Variants in EFCAB7 observed in about 807,000 individuals in gnomAD.
EFCAB7 encodes the protein EF-hand calcium-binding domain-containing protein 7.
In EFCAB7, 66 loss-of-function variants were observed where a neutral mutation model predicts 77.1. The ratio of observed to expected loss-of-function variants is 0.86; its 90% confidence interval spans 0.70 to 1.05. The LOEUF (loss-of-function observed/expected upper bound fraction) is 1.05, where lower values mean the gene tolerates loss of function less well. Among genes scored for constraint, EFCAB7 ranks in the 50% least tolerant of loss-of-function variants. The probability of loss-of-function intolerance (pLI) is 0.00; values close to 1 mark genes in which losing one functional copy is unlikely to be tolerated. For missense variants in EFCAB7, 638 were observed against 730.5 expected (o/e 0.87, Z 1.46); for synonymous variants, 225 against 243.3 (o/e 0.92, Z 0.70).
chr1:63,554,513 T>C (rs1036541806), intron 8 of EFCAB7, among the ~76,000 whole-genome samples: 4 of 152,298 alleles, frequency 2.6e-5, no homozygotes, highest in African/African-American at 9.6e-5. Context: ...CTAATTTTTG[T>C]ATTTTTAGTA....
intron 12 of EFCAB7, chr1:63,568,728 C>T (rs533610667): frequency 5.7e-5 from 24 of 422,628 alleles, no homozygotes; most frequent in Non-Finnish European, 8.7e-5. Context: ...AATTTTTTCT[C>T]TTAAAATATT....
chr1:63,548,610 A>G (rs1050109927), intron 7 of EFCAB7: 1 of 151,968 alleles, frequency 6.6e-6, no homozygotes, highest in Non-Finnish European at 1.5e-5. Flanking sequence ...TTCCACTTGT[A>G]TGGTACCTGA....
the EFCAB7 span, among the ~76,000 whole-genome samples, chr1:63,581,111 A>G: frequency 6.6e-6 from 1 of 152,164 alleles, no homozygotes; most frequent in Non-Finnish European, 1.5e-5. Flanking sequence ...TAAGATATCA[A>G]ATAAGAACAA....
chr1:63,530,432 T>A (rs1306559493), intron 2 of EFCAB7, among the ~76,000 whole-genome samples: 2 of 152,242 alleles, frequency 1.3e-5, no homozygotes, highest in Admixed American at 1.3e-4. Context: ...TTATCATTGG[T>A]TCATTTTAGA....
intron 6 of EFCAB7, among the ~76,000 whole-genome samples, chr1:63,545,659 T>C (rs1454192354): frequency 6.6e-6 from 1 of 152,050 alleles, no homozygotes; most frequent in African/African-American, 2.4e-5. Context: ...AGAGACAGGG[T>C]TTCTCCATGT....
At chr1:63,536,160 T>G (rs1646760489) in intron 6 of EFCAB7, among the ~76,000 whole-genome samples, 1 of 152,218 alleles carries the variant, frequency 6.6e-6, no homozygotes, top group African/African-American at 2.4e-5. Flanking sequence ...TACTGTCAAC[T>G]TTTTAATACT....
At chr1:63,536,224 A>C (rs1201905531) in intron 6 of EFCAB7, among the ~76,000 whole-genome samples, 1 of 152,190 alleles carries the variant, frequency 6.6e-6, no homozygotes, top group African/African-American at 2.4e-5. Context: ...AGCTCTGTAT[A>C]TCTTACCTTT....
intron 6 of EFCAB7, among the ~76,000 whole-genome samples, chr1:63,541,377 G>A (rs953057028): frequency 3.9e-5 from 6 of 151,942 alleles, no homozygotes; most frequent in African/African-American, 1.2e-4. Context: ...AAGCACTATG[G>A]GAACACATGT....
Position 63,528,173 on chromosome 1 carries a change from TA to T in EFCAB7, c.187+2416del, listed in dbSNP as rs368537525. Among the ~76,000 whole-genome samples, 1,085 of 152,264 alleles carry T rather than the reference TA, an allele frequency of 7.1e-3. 15 individuals are homozygous for T. In the Middle Eastern group the frequency reaches 0.082, roughly 11 times the overall value. ...CAATAGCCCAAATTTGGAAGCAACGTAAGAGTTCATCAATAGATGAATGGAT... is the reference window on the plus strand; with the variant it reads ...CAATAGCCCAAATTTGGAAGCAACGTAGAGTTCATCAATAGATGAATGGAT... On this transcript the variant is annotated intron_variant, in intron 2 of 13. Coordinates refer to ENST00000371088, the MANE Select transcript of EFCAB7 (RefSeq NM_032437.4).
chr1:63,533,446 TCC>T lies in EFCAB7; in HGVS notation c.487-7_487-6del. The T allele has an allele frequency of 6.3e-7, 1 of 1,595,302 alleles. No individual in the cohort carries two copies. The highest frequency in any genetic ancestry group is 8.5e-7 in the Non-Finnish European group (1 of 1,174,696). On this transcript the variant is annotated splice_region_variant and splice_polypyrimidine_tract_variant and intron_variant, in intron 4 of 13. Coordinates refer to ENST00000371088, the MANE Select transcript of EFCAB7 (RefSeq NM_032437.4). ...TGTTTTACCCACTGGACTTTTTTTT[TCC>T]TGTAGTTTTGTAAATTATATATGAC...
chr1:63,576,937 C>G (rs1280107661), downstream of EFCAB7, among the ~76,000 whole-genome samples: 4 of 151,864 alleles, frequency 2.6e-5, no homozygotes, highest in African/African-American at 9.7e-5. Flanking sequence ...ATCACAAAAT[C>G]AGGAGTTCGA....
chr1:63,584,622 T>G, the EFCAB7 span, among the ~76,000 whole-genome samples: 3 of 152,350 alleles, frequency 2.0e-5, no homozygotes, highest in South Asian at 2.1e-4. Flanking sequence ...CTTCTGCTAC[T>G]CTTGAGACAG....
At chr1:63,579,427 T>C in the EFCAB7 span, among the ~76,000 whole-genome samples, 1 of 152,236 alleles carries the variant, frequency 6.6e-6, no homozygotes, top group Non-Finnish European at 1.5e-5. Flanking sequence ...TATTTTATTA[T>C]ATGATTGTAT....
At position 63,567,829 on chromosome 1, in the gene EFCAB7, C is replaced by T. The variant is rs114926663; in HGVS notation, c.1498-481C>T. ...AGGTAGATATTAGAAAAATTTCATT[C>T]GGAATGCAGAAAATATTTTTAAGTC... On this transcript the variant is annotated intron_variant, in intron 11 of 13. Coordinates refer to ENST00000371088, the MANE Select transcript of EFCAB7 (RefSeq NM_032437.4). Among the ~76,000 whole-genome samples, 65 of 152,186 alleles carry T rather than the reference C, an allele frequency of 4.3e-4. 1 individual carries two copies. In the East Asian group the frequency reaches 7.9e-3, roughly 19 times the overall value.
the EFCAB7 span, among the ~76,000 whole-genome samples, chr1:63,581,914 A>G: frequency 6.6e-6 from 1 of 152,390 alleles, no homozygotes; most frequent in Admixed American, 6.5e-5. Flanking sequence ...AACACAGACT[A>G]CACATGGTGC....
At chr1:63,545,759 T>C (rs1646890125) in intron 6 of EFCAB7, among the ~76,000 whole-genome samples, 157 bp from the exon 7 acceptor site, 1 of 152,252 alleles carries the variant, frequency 6.6e-6, no homozygotes, top group Non-Finnish European at 1.5e-5. Context: ...GATTTTGTTA[T>C]GTCTGTTTTC....
At chr1:63,549,305 TTGA>T in intron 7 of EFCAB7, 1 of 468,576 alleles carries the variant, frequency 2.1e-6, no homozygotes, top group African/African-American at 2.0e-5. Flanking sequence ...TCTTACCTAT[TTGA>T]TGAAGATGTC....
rs1315195583 is a variant in EFCAB7, at chr1:63,531,951, C to G, written c.319C>G (p.Leu107Val). The G allele has an allele frequency of 6.2e-7, 1 of 1,612,656 alleles. No individual in the cohort carries two copies. The highest frequency in any genetic ancestry group is 1.3e-5 in the African/African-American group (1 of 74,848). Residue 107 changes from leucine (L) to valine (V), a missense_variant, in exon 3 of 14, where the codon CTA becomes GTA. Coordinates refer to ENST00000371088, the MANE Select transcript of EFCAB7 (RefSeq NM_032437.4). ...GGAAAAACCTACTTCAAAAGCAGAA[C>G]TACTAAAATCATTTAAGCAATTAGA... ...RKEKPTSKAE[L>V]LKSFKQLDVN...
chr1:63,540,063 CA>C (rs1235859447), intron 6 of EFCAB7, among the ~76,000 whole-genome samples: 1 of 152,000 alleles, frequency 6.6e-6, no homozygotes, highest in Non-Finnish European at 1.5e-5. Flanking sequence ...CATTACTCAT[CA>C]TTAATAGTTG....
Sources: allele counts gnomAD v4.1 joint callset (sites outside exome capture counted in the v4.1 genomes callset), GRCh38; gene constraint gnomAD v4.1.1; transcripts MANE v1.5; gene names NCBI Gene and HGNC (gene_info 2026-07-23, HGNC 2026-07-21).